NELL2: variants seen among roughly 807,000 people sequenced by gnomAD.
NELL2 encodes neural EGFL like 2, also known as protein kinase C-binding protein NELL2.
NELL2 carries 41 observed loss-of-function variants against 109.6 expected under a neutral mutation model. That is an observed-to-expected ratio of 0.37 (90% CI 0.29 to 0.49). The LOEUF (loss-of-function observed/expected upper bound fraction) is 0.49. Ranked by LOEUF, NELL2 falls within the 20% of genes least tolerant of loss-of-function variation. The probability of loss-of-function intolerance (pLI) is 0.98; values close to 1 mark genes in which losing one functional copy is unlikely to be tolerated. For missense variants in NELL2, 900 were observed against 1,008.3 expected (o/e 0.89, Z 1.45); for synonymous variants, 355 against 344.7 (o/e 1.03, Z -0.33).
intron 2 of NELL2, among the ~76,000 whole-genome samples, chr12:44,834,760 T>G (rs1943999633): frequency 6.6e-6 from 1 of 151,914 alleles, no homozygotes. Flanking sequence ...GATCCCGGGG[T>G]CTTCTCCCAC....
At chr12:44,659,603 C>G (rs894510797) in intron 13 of NELL2, among the ~76,000 whole-genome samples, 1 of 152,126 alleles carries the variant, frequency 6.6e-6, no homozygotes. Flanking sequence ...AAAAAAAGCT[C>G]ATCATCTCTG....
At chr12:44,876,809 C>G (rs1945341468), upstream of NELL2, 2 of 1,360,062 alleles carry the variant, frequency 1.5e-6, no homozygotes, top group East Asian at 5.5e-5. Flanking sequence ...GCCACCAAAA[C>G]ACGCTGCACT....
At chr12:44,763,618 G>T (rs1941211351) in intron 9 of NELL2, among the ~76,000 whole-genome samples, 1 of 152,104 alleles carries the variant, frequency 6.6e-6, no homozygotes, top group South Asian at 2.1e-4. Context: ...AGAATATCCA[G>T]GGCCATCTGC....
chr12:44,672,477 G>GA (rs1948173138), intron 12 of NELL2, among the ~76,000 whole-genome samples: 1 of 152,148 alleles, frequency 6.6e-6, no homozygotes, highest in Non-Finnish European at 1.5e-5. Flanking sequence ...TGGTTCCGTG[G>GA]AAAAATTGTG....
intron 15 of NELL2, among the ~76,000 whole-genome samples, chr12:44,572,769 G>A (rs2136197786): frequency 6.6e-6 from 1 of 152,276 alleles, no homozygotes; most frequent in African/African-American, 2.4e-5. Context: ...ATGATGCAAT[G>A]GCTTAAAGAA....
At chr12:44,523,184 G>C in intron 17 of NELL2, 107 bp downstream of exon 17, 1 of 1,023,744 alleles carries the variant, frequency 9.8e-7, no homozygotes, top group Non-Finnish European at 1.5e-6. Flanking sequence ...GTGATGGTAG[G>C]TAAGTGGATG....
chr12:44,577,927 G>A (rs188860644), intron 15 of NELL2, among the ~76,000 whole-genome samples: 1 of 152,118 alleles, frequency 6.6e-6, no homozygotes, highest in Non-Finnish European at 1.5e-5. Context: ...ACCAAGTGGA[G>A]GTAATTTCTA....
In NELL2 at chr12:44,681,177, T is replaced by A. The variant is rs138209744; in HGVS notation, c.1319-15568A>T. Among the ~76,000 whole-genome samples the A allele has an allele frequency of 6.0e-3, 901 of 151,068 alleles. 8 individuals are homozygous for A. The highest frequency in any genetic ancestry group is 0.021 in the African/African-American group (855 of 41,436). Reference sequence around the variant, plus strand: ...TGTCAATATACATATATACACCATTTCTCTTACTATGTTATATGGATCCTT... The same window carrying A: ...TGTCAATATACATATATACACCATTACTCTTACTATGTTATATGGATCCTT... On this transcript the variant is annotated intron_variant, in intron 12 of 19. Transcript: ENST00000429094.
intron 2 of NELL2, among the ~76,000 whole-genome samples, chr12:44,864,910 G>C (rs112833454): frequency 0.043 from 6,499 of 150,336 alleles, 283 homozygotes; most frequent in African/African-American, 0.11. Context: ...GGGTCAAATG[G>C]TATTTCTAGT....
chr12:44,521,967 A>G (rs760388580), intron 18 of NELL2, 33 bp downstream of exon 18: 3 of 1,607,884 alleles, frequency 1.9e-6, no homozygotes, highest in South Asian at 2.2e-5. Context: ...TCTGGGCCTA[A>G]ATTTTCTTTC....
At chr12:44,643,436 A>T (rs562659337) in intron 13 of NELL2, among the ~76,000 whole-genome samples, 1 of 152,198 alleles carries the variant, frequency 6.6e-6, no homozygotes. Context: ...TAGGCATTGC[A>T]TGTGTAGAAA....
At chr12:44,640,367 C>T (rs531817812) in intron 13 of NELL2, among the ~76,000 whole-genome samples, 78 of 152,268 alleles carry the variant, frequency 5.1e-4, no homozygotes, top group African/African-American at 1.8e-3. Context: ...TACTTTGCCC[C>T]TGTGTCTGTG....
At chr12:44,766,635 T>C (rs1168409635) in intron 9 of NELL2, among the ~76,000 whole-genome samples, 2 of 152,190 alleles carry the variant, frequency 1.3e-5, no homozygotes, top group East Asian at 3.8e-4. Context: ...AAATTGGGTC[T>C]CCTATGAATG....
intron 15 of NELL2, among the ~76,000 whole-genome samples, chr12:44,573,689 G>A (rs1416432766): frequency 6.6e-6 from 1 of 152,194 alleles, no homozygotes; most frequent in South Asian, 2.1e-4. Context: ...GAAAGGAAAA[G>A]ATTTAAGTGA....
chr12:44,534,586 A>T (rs1443374320), intron 15 of NELL2, among the ~76,000 whole-genome samples: 1 of 152,150 alleles, frequency 6.6e-6, no homozygotes, highest in Non-Finnish European at 1.5e-5. Flanking sequence ...CTGATTATAA[A>T]TAGATTCAGA....
chr12:44,594,483 A>G (rs1944882754), intron 15 of NELL2, among the ~76,000 whole-genome samples: 1 of 152,164 alleles, frequency 6.6e-6, no homozygotes, highest in South Asian at 2.1e-4. Context: ...TTGATTCCTA[A>G]TATTGAATGC....
At chr12:44,693,856 G>C (rs1279344300) in intron 12 of NELL2, among the ~76,000 whole-genome samples, 7 of 152,114 alleles carry the variant, frequency 4.6e-5, no homozygotes, top group Non-Finnish European at 1.0e-4. Context: ...TATTTCCTCA[G>C]TATTGTAAAT....
intron 3 of NELL2, among the ~76,000 whole-genome samples, chr12:44,808,314 G>C (rs2136668176): frequency 6.6e-6 from 1 of 152,094 alleles, no homozygotes; most frequent in South Asian, 2.1e-4. Flanking sequence ...AAATTATGAT[G>C]AGAAATTCCA....
chr12:44,682,332 G>T (rs1306462233), intron 12 of NELL2, among the ~76,000 whole-genome samples: 2 of 151,084 alleles, frequency 1.3e-5, no homozygotes, highest in Non-Finnish European at 2.9e-5. Flanking sequence ...TTTGTCAGAT[G>T]AGTAGGTTGT....
Sources: gnomAD v4.1 joint callset for allele counts (sites outside exome capture counted in the v4.1 genomes callset) on GRCh38, gnomAD v4.1.1 for gene constraint, MANE v1.5 for transcripts, NCBI Gene and HGNC (gene_info 2026-07-23, HGNC 2026-07-21) for gene names.